The following CDH7 variants were observed in gnomAD, a reference collection of about 807,000 sequenced individuals.
CDH7 encodes the protein cadherin-7.
Under a neutral mutation model 71.8 loss-of-function variants are expected in CDH7, and 25 were observed. The observed-to-expected ratio is 0.35, with a 90% confidence interval of 0.25 to 0.49. The LOEUF is 0.49. CDH7 is among the 20% of genes least tolerant of loss of function. The pLI is 0.99. For synonymous variants in CDH7, 381 were observed against 363.8 expected, an observed-to-expected ratio of 1.05 and a Z score of -0.54; for missense variants, 862 against 974.6, an observed-to-expected ratio of 0.88 and a Z score of 1.54.
rs796151141 is a variant in CDH7, at chr18:65,807,772, G to A, written c.211-1932G>A. Among the ~76,000 whole-genome samples, 7 of 152,238 alleles carry A rather than the reference G, an allele frequency of 4.6e-5. No individual in the cohort carries two copies. The East Asian group carries it at 1.3e-3, about 29-fold the overall frequency. On this transcript the variant is annotated intron_variant, in intron 2 of 11. Coordinates refer to ENST00000397968, the MANE Select transcript of CDH7 (RefSeq NM_004361.5). ...TAGTGGAGTTTACTGTTATGTAATG[G>A]CAAGAAGGAACCCTTCTCATAAGTC...
At chr18:65,793,545 A>C (rs138971217) in intron 2 of CDH7, among the ~76,000 whole-genome samples, 8 of 152,258 alleles carry the variant, frequency 5.3e-5, no homozygotes, top group African/African-American at 1.9e-4. Flanking sequence ...CAATATTATC[A>C]CAGCTAAGTC....
intron 2 of CDH7, among the ~76,000 whole-genome samples, chr18:65,785,176 A>G (rs1004938813): frequency 3.3e-5 from 5 of 152,088 alleles, no homozygotes; most frequent in African/African-American, 1.2e-4. Context: ...GTTTTATGAA[A>G]CTGATTATTA....
rs374564814 is a variant in CDH7, at chr18:65,880,415, A to C, written c.1879A>C (p.Ile627Leu). 1.9e-5 allele frequency: 29 copies of C among 1,544,258 alleles called. No homozygotes were observed. The highest frequency in any genetic ancestry group is 2.3e-5 in the Non-Finnish European group (26 of 1,152,988). ...TATTGTTTCAGTGTTGATCCTCCTT[A>C]TCGTCACTATGAGAAGACGGAAAAA... is the stretch of plus-strand genomic sequence containing the variant. ...VLTLLVLILL[I>L]VTMRRRKKEP... The change falls in exon 12 of 12, where the codon ATC (isoleucine) becomes CTC (leucine). Residue 627 changes from isoleucine (I) to leucine (L), a missense_variant. Physicochemically the swap from Ile to Leu is conservative, Grantham distance 5. Transcript: ENST00000397968.
chr18:65,781,754 C>CT (rs1340166005), intron 2 of CDH7, among the ~76,000 whole-genome samples: 1 of 31,416 alleles, frequency 3.2e-5, no homozygotes, highest in East Asian at 1.3e-3. Flanking sequence ...TGGTTGATTT[C>CT]TTTCTTTCTT....
intron 2 of CDH7, among the ~76,000 whole-genome samples, chr18:65,763,391 A>G (rs1568172475): frequency 6.6e-6 from 1 of 152,120 alleles, no homozygotes; most frequent in Non-Finnish European, 1.5e-5. Flanking sequence ...AAAAATGAAG[A>G]GTAGTGGGTT....
intron 11 of CDH7, among the ~76,000 whole-genome samples, chr18:65,878,705 A>G (rs1396746392): frequency 2.0e-5 from 3 of 152,192 alleles, no homozygotes; most frequent in African/African-American, 7.2e-5. Flanking sequence ...TTACTTTTGC[A>G]TCAACCTAGT....
intron 7 of CDH7, among the ~76,000 whole-genome samples, chr18:65,854,932 T>TATATATATAC (rs67623413): frequency 0.5 from 73,826 of 148,486 alleles, 21,195 homozygotes; most frequent in East Asian, 0.79. Flanking sequence ...TATATATATA[T>TATATATATAC]ACACACACAT....
At chr18:65,876,107 C>T (rs1274895785) in intron 11 of CDH7, among the ~76,000 whole-genome samples, 2 of 152,116 alleles carry the variant, frequency 1.3e-5, no homozygotes, top group Non-Finnish European at 1.5e-5. Flanking sequence ...CAGTGAATTG[C>T]ACTAAGATTC....
At chr18:65,791,867 C>T (rs1234830560) in intron 2 of CDH7, among the ~76,000 whole-genome samples, 1 of 152,130 alleles carries the variant, frequency 6.6e-6, no homozygotes, top group African/African-American at 2.4e-5. Context: ...TAAATTCCTT[C>T]TGCTCTAATG....
Position 65,858,957 on chromosome 18 carries a change from GC to G in CDH7, c.1407del (p.Ile470SerfsTer52). ...NPSQVGRGYV[A>X]ITILDINDNA... The stretch of plus-strand genomic sequence containing the variant: ...ATCTCAAGTAGGAAGAGGCTATGTG[GC>G]CATCACTATACTTGACATCAATGAT... On this transcript the variant is annotated frameshift_variant, in exon 9 of 12. Coordinates refer to ENST00000397968, the MANE Select transcript of CDH7 (RefSeq NM_004361.5). LOFTEE classifies it high-confidence loss of function. 1 of 1,611,404 alleles carries G rather than the reference GC, an allele frequency of 6.2e-7. No homozygotes were observed. The highest frequency in any genetic ancestry group is 8.5e-7 in the Non-Finnish European group (1 of 1,177,746).
intron 2 of CDH7, among the ~76,000 whole-genome samples, chr18:65,789,467 T>G (rs2143853601): frequency 8.6e-6 from 1 of 116,578 alleles, no homozygotes; most frequent in East Asian, 2.2e-4. Context: ...TGTGCTATTT[T>G]TTTGTTTGTT....
intron 11 of CDH7, chr18:65,863,717 T>C (rs982109801): frequency 6.6e-6 from 1 of 152,222 alleles, no homozygotes; most frequent in Admixed American, 6.6e-5. Context: ...ATTTTTAAAG[T>C]ATTAAATACT....
In CDH7 at chr18:65,752,741, G is replaced by C. The variant is rs1002518383; in HGVS notation, c.-197+1591G>C. Among the ~76,000 whole-genome samples, 4 of 152,164 alleles carry C rather than the reference G, an allele frequency of 2.6e-5. No individual in the cohort carries two copies. In the East Asian group the frequency reaches 7.7e-4, roughly 29 times the overall value. On this transcript the variant is annotated intron_variant, in intron 1 of 11. Coordinates refer to ENST00000397968, the MANE Select transcript of CDH7 (RefSeq NM_004361.5). ...GCAGAGCAATTAGGTAACATCCAAC[G>C]TCAATAGTCTTATCTGGGAAAGCTA...
intron 6 of CDH7, among the ~76,000 whole-genome samples, chr18:65,841,428 G>A (rs1223006097): frequency 1.3e-5 from 2 of 152,104 alleles, no homozygotes; most frequent in Non-Finnish European, 2.9e-5. Context: ...AAAGGTTGTG[G>A]TTTTGCATTG....
intron 2 of CDH7, among the ~76,000 whole-genome samples, chr18:65,809,318 A>G (rs1911439026): frequency 6.6e-6 from 1 of 152,334 alleles, no homozygotes; most frequent in African/African-American, 2.4e-5. Flanking sequence ...CAAATGTTCT[A>G]TAGAAAGTTT....
Position 65,762,957 on chromosome 18 carries a change from C to A in CDH7, c.115C>A (p.Gln39Lys). 1 of 1,613,538 alleles carries A rather than the reference C, an allele frequency of 6.2e-7. No individual in the cohort carries two copies. The highest frequency in any genetic ancestry group is 1.1e-5 in the South Asian group (1 of 91,064). ...LSRSRSKPYF[Q>K]SGRSRTKRSW... is the part of the protein sequence containing the mutation. ...AAGGTCCAGATCAAAGCCCTATTTCCAATCAGGGAGGTCCCGGACCAAGCG... is the reference window on the plus strand; with the variant it reads ...AAGGTCCAGATCAAAGCCCTATTTCAAATCAGGGAGGTCCCGGACCAAGCG... The change falls in exon 2 of 12, where the codon CAA becomes AAA. Residue 39 changes from glutamine (Q) to lysine (K), a missense_variant. Physicochemically the swap from Gln to Lys is moderately conservative, Grantham distance 53 (BLOSUM62 1). Coordinates refer to ENST00000397968, the MANE Select transcript of CDH7 (RefSeq NM_004361.5).
intron 7 of CDH7, among the ~76,000 whole-genome samples, chr18:65,855,937 T>A (rs990989239): frequency 2.0e-5 from 3 of 151,914 alleles, no homozygotes; most frequent in African/African-American, 7.3e-5. Flanking sequence ...ATTCAAAAGT[T>A]CATCAATATA....
intron 1 of CDH7, among the ~76,000 whole-genome samples, chr18:65,756,565 T>G (rs1916035258): frequency 6.6e-6 from 1 of 152,224 alleles, no homozygotes; most frequent in Non-Finnish European, 1.5e-5. Flanking sequence ...ATTAAGTCTA[T>G]TTCAAAACAG....
At chr18:65,875,612 C>A (rs1028811089) in intron 11 of CDH7, among the ~76,000 whole-genome samples, 1 of 152,126 alleles carries the variant, frequency 6.6e-6, no homozygotes, top group Non-Finnish European at 1.5e-5. Context: ...AAAGGCCGGG[C>A]GTGGTGGCTC....
Sources: allele counts gnomAD v4.1 joint callset (sites outside exome capture counted in the v4.1 genomes callset), GRCh38; gene constraint gnomAD v4.1.1; transcripts MANE v1.5; gene names NCBI Gene and HGNC (gene_info 2026-07-23, HGNC 2026-07-21).